The following DNAH9 variants were observed in gnomAD, a reference collection of about 807,000 sequenced individuals.
DNAH9 encodes DNAH9 variant protein.
In DNAH9, 345 loss-of-function variants were observed where a neutral mutation model predicts 471.6. The ratio of observed to expected loss-of-function variants is 0.73; its 90% CI spans 0.67 to 0.80. The LOEUF (loss-of-function observed/expected upper bound fraction) is 0.80, where lower values mean the gene tolerates loss of function less well. Among genes scored for constraint, DNAH9 ranks in the 30% least tolerant of loss-of-function variants. The pLI, the probability that DNAH9 is intolerant of heterozygous loss-of-function variation, is 0.00. For synonymous variants in DNAH9, 2,093 were observed against 2,123.6 expected (o/e 0.99, Z 0.40); for missense variants, 5,407 against 5,609.2 (o/e 0.96, Z 1.15).
At chr17:11,761,356 C>T (rs1210177288) in intron 35 of DNAH9, among the ~76,000 whole-genome samples, 3 of 152,222 alleles carry the variant, frequency 2.0e-5, no homozygotes, top group African/African-American at 7.2e-5. Flanking sequence ...CTGGCTATGA[C>T]TTCTGACCCA....
chr17:11,670,136 G>A (rs1418039438), intron 17 of DNAH9, among the ~76,000 whole-genome samples: 1 of 152,150 alleles, frequency 6.6e-6, no homozygotes, highest in Non-Finnish European at 1.5e-5. Context: ...AGGGTCTAAT[G>A]GGCCTCTTTG....
At chr17:11,646,779 G>A (rs1445761396) in intron 11 of DNAH9, among the ~76,000 whole-genome samples, 2 of 152,148 alleles carry the variant, frequency 1.3e-5, no homozygotes, top group Non-Finnish European at 1.5e-5. Flanking sequence ...CAGGCGTGGT[G>A]GCACATGCCT....
chr17:11,799,529 C>G (rs530748344), intron 43 of DNAH9, among the ~76,000 whole-genome samples: 1 of 151,808 alleles, frequency 6.6e-6, no homozygotes, highest in African/African-American at 2.4e-5. Context: ...GCCAGCTCCC[C>G]TAACTTTCTT....
At chr17:11,614,416 A>G (rs866716578) in intron 4 of DNAH9, among the ~76,000 whole-genome samples, 23 of 152,344 alleles carry the variant, frequency 1.5e-4, no homozygotes, top group Middle Eastern at 6.8e-3. Flanking sequence ...TGTATGAAGT[A>G]GTATTGACTG....
chr17:11,599,018 C>A, intron 1 of DNAH9, 103 bp downstream of exon 1: 1 of 967,734 alleles, frequency 1.0e-6, no homozygotes, highest in Non-Finnish European at 1.4e-6. Flanking sequence ...GGCGAAGCTG[C>A]AGGGGAGGTC....
chr17:11,910,223 C>T (rs1028780571), intron 61 of DNAH9, among the ~76,000 whole-genome samples: 1 of 151,950 alleles, frequency 6.6e-6, no homozygotes, highest in African/African-American at 2.4e-5. Context: ...CCACTGCACT[C>T]CAGCCTGGGT....
rs940642730 is a variant in DNAH9 at position 11,608,152 on chromosome 17, T to A, written c.441T>A (p.Asn147Lys). ...AGGTTGTTCTACCCGTCCTGGCCAA[T>A]GAGAAGAATCGCCTAAACTGGCCCC... is the stretch of plus-strand genomic sequence containing the variant. ...FSEVVLPVLA[N>K]EKNRLNWPHM... The change falls in exon 2 of 69, where the codon AAT becomes AAA. Residue 147 changes from asparagine (N) to lysine (K), a missense_variant. Asn to Lys is a moderately conservative substitution (Grantham distance 94). Transcript: ENST00000262442. 1 of 1,608,752 alleles carries A rather than the reference T, an allele frequency of 6.2e-7. No homozygotes were observed. Among genetic ancestry groups the A allele is most frequent in the African/African-American group, 1.3e-5 (1 of 74,852 alleles).
chr17:11,704,143 A>G, intron 24 of DNAH9, 60 bp from the exon 25 acceptor site: 1 of 1,597,788 alleles, frequency 6.3e-7, no homozygotes, highest in South Asian at 1.1e-5. Context: ...CTGTGTGATG[A>G]GTGGGTTGGT....
chr17:11,670,767 G>T (rs1044652809), intron 17 of DNAH9, among the ~76,000 whole-genome samples: 4 of 151,232 alleles, frequency 2.6e-5, no homozygotes, highest in African/African-American at 4.9e-5. Context: ...GCAATGGCAC[G>T]ATCTCTGCTC....
At chr17:11,720,392 T>C (rs1457199710) in intron 27 of DNAH9, among the ~76,000 whole-genome samples, 3 of 152,044 alleles carry the variant, frequency 2.0e-5, no homozygotes, top group Non-Finnish European at 2.9e-5. Flanking sequence ...ATGCTATCCC[T>C]CCCCGCTTCC....
chr17:11,763,633 C>T lies in DNAH9; in HGVS notation c.7170+19C>T, dbSNP rs1276598023. 5 of 1,610,674 alleles carry T rather than the reference C, an allele frequency of 3.1e-6. No individual in the cohort carries two copies. The highest frequency in any genetic ancestry group is 4.2e-6 in the Non-Finnish European group (5 of 1,178,044). On this transcript the variant is annotated intron_variant, in intron 36 of 68. Coordinates refer to ENST00000262442, the MANE Select transcript of DNAH9 (RefSeq NM_001372.4). ...AGATCAGGTAAGGAGATATGTTGAG[C>T]TCAACAACCACACTGAAGTCTGTAG...
intron 34 of DNAH9, among the ~76,000 whole-genome samples, chr17:11,757,210 G>T (rs181438149): frequency 6.6e-6 from 1 of 152,202 alleles, no homozygotes; most frequent in Admixed American, 6.5e-5. Flanking sequence ...CCTATAGTTA[G>T]CCATACTGTA....
At chr17:11,696,097 A>G (rs1053698712) in intron 22 of DNAH9, among the ~76,000 whole-genome samples, 1 of 152,160 alleles carries the variant, frequency 6.6e-6, no homozygotes, top group African/African-American at 2.4e-5. Flanking sequence ...TCCACCCACT[A>G]TAGGTAACCA....
chr17:11,924,532 C>T (rs751451664), intron 62 of DNAH9, among the ~76,000 whole-genome samples: 52 of 151,922 alleles, frequency 3.4e-4, no homozygotes, highest in Non-Finnish European at 3.4e-4. Context: ...TCTCTATTAA[C>T]CCCTATTAAA....
intron 11 of DNAH9, among the ~76,000 whole-genome samples, chr17:11,645,248 T>C (rs1052769878): frequency 5.9e-5 from 9 of 152,196 alleles, no homozygotes; most frequent in African/African-American, 2.2e-4. Flanking sequence ...ATGGTGGCCG[T>C]TGAGATTATA....
At chr17:11,946,747 GAA>G (rs373278555) in intron 67 of DNAH9, among the ~76,000 whole-genome samples, 10 of 145,144 alleles carry the variant, frequency 6.9e-5, no homozygotes, top group African/African-American at 2.5e-4. Context: ...AATTGAAAAA[GAA>G]AAAAAAATGC....
intron 59 of DNAH9, among the ~76,000 whole-genome samples, chr17:11,895,358 TC>T (rs1299221596): frequency 6.6e-6 from 1 of 152,222 alleles, no homozygotes; most frequent in Non-Finnish European, 1.5e-5. Context: ...AGGAATAGCA[TC>T]TACATAAGAT....
chr17:11,679,807 A>G lies in DNAH9; in HGVS notation c.3404A>G (p.Lys1135Arg). Residue 1135 changes from lysine to arginine, a missense_variant, in exon 18 of 69, where the codon AAG becomes AGG. This residue lies in a region of DNAH9 where 4,636 missense variants were observed against 4,900.3 expected (regional missense o/e 0.95). Coordinates refer to ENST00000262442, the MANE Select transcript of DNAH9 (RefSeq NM_001372.4). ...AAGAAGAGTGAGAGCGGCTTACTCA[A>G]GAAAGTTGAAAAAGGAGATTTCCAA... The part of the protein sequence containing the change: ...FIKKSESGLL[K>R]KVEKGDFQGL... 6.2e-7 allele frequency: 1 copy of G among 1,614,198 alleles called. No homozygotes were observed. Among genetic ancestry groups the G allele is most frequent in the Non-Finnish European group, 8.5e-7 (1 of 1,180,026 alleles).
rs2074301902 is a variant in DNAH9 at position 11,689,841 on chromosome 17, C to T, written c.4019C>T (p.Ala1340Val). The T allele has an allele frequency of 1.9e-6, 3 of 1,612,100 alleles. No homozygotes were observed. Among genetic ancestry groups the T allele is most frequent in the Admixed American group, 3.4e-5 (2 of 59,666 alleles). ...EAMELECKQF[A>V]RHIRNLDKEV... ...ATGGAGTTGGAGTGCAAACAGTTTG[C>T]CCGGCATATCCGAAACCTGGACAAG... The change falls in exon 20 of 69, where the codon GCC (alanine) becomes GTC (valine). Residue 1340 changes from alanine to valine, a missense_variant. Physicochemically the swap from Ala to Val is moderately conservative, Grantham distance 64. Coordinates refer to ENST00000262442, the MANE Select transcript of DNAH9 (RefSeq NM_001372.4).
Sources: allele counts gnomAD v4.1 joint callset (sites outside exome capture counted in the v4.1 genomes callset), GRCh38; gene constraint gnomAD v4.1.1; regional missense constraint gnomAD v4.1.1; transcripts MANE v1.5; gene names NCBI Gene and HGNC (gene_info 2026-07-23, HGNC 2026-07-21).